AFTPH: variants seen among roughly 807,000 people sequenced by gnomAD.
AFTPH encodes the protein aftiphilin protein.
A neutral mutation model predicts 72.5 loss-of-function variants in AFTPH; 7 were observed. The ratio of observed to expected loss-of-function variants is 0.10; its 90% confidence interval spans 0.05 to 0.18. The LOEUF (loss-of-function observed/expected upper bound fraction) is 0.18, where lower values mean the gene tolerates loss of function less well. Among genes scored for constraint, AFTPH ranks in the 10% least tolerant of loss-of-function variants. The pLI, the probability that AFTPH is intolerant of heterozygous loss-of-function variation, is 1.00. For synonymous variants in AFTPH, 337 were observed against 370.1 expected, an observed-to-expected ratio of 0.91 and a Z score of 1.03; for missense variants, 979 against 1,060.5, an observed-to-expected ratio of 0.92 and a Z score of 1.07.
rs374725719 is a variant in AFTPH, at chr2:64,532,160, G to A, written c.-33+7548G>A. Reference sequence around the variant, plus strand: ...ATCTTTCACCTAAAAATTGAAGGATGTGTGGGAATGTCTTAGGCACTGGGA... The same window carrying A: ...ATCTTTCACCTAAAAATTGAAGGATATGTGGGAATGTCTTAGGCACTGGGA... On this transcript the variant is annotated intron_variant, in intron 1 of 8. Transcript: ENST00000238856. 1.2e-4 allele frequency among the ~76,000 whole-genome samples: 19 copies of A among 152,270 alleles called. No individual in the cohort carries two copies. In the East Asian group the frequency reaches 2.5e-3, roughly 20 times the overall value.
intron 1 of AFTPH, among the ~76,000 whole-genome samples, chr2:64,546,427 C>T (rs1670624444): frequency 1.3e-5 from 2 of 152,006 alleles, no homozygotes; most frequent in African/African-American, 4.8e-5. Flanking sequence ...CTAATATATG[C>T]CAAAGTCTAA....
intron 1 of AFTPH, among the ~76,000 whole-genome samples, chr2:64,527,511 C>T (rs1262383123): frequency 6.7e-6 from 1 of 150,228 alleles, no homozygotes; most frequent in African/African-American, 2.5e-5. Context: ...ACCCGGGAGG[C>T]GGAGGTTGCA....
chr2:64,564,412 T>C (rs1671924555), intron 2 of AFTPH, among the ~76,000 whole-genome samples: 1 of 152,092 alleles, frequency 6.6e-6, no homozygotes, highest in Non-Finnish European at 1.5e-5. Context: ...TGAATTATCA[T>C]CCACCTCGTG....
At chr2:64,552,812 A>T in exon 2 of AFTPH, 1 of 1,614,144 alleles carries the variant, frequency 6.2e-7, no homozygotes. Flanking sequence ...GCTCAACTCC[A>T]CCTTTTGTTA....
chr2:64,573,383 A>G (rs1216811228), intron 6 of AFTPH, among the ~76,000 whole-genome samples: 1 of 151,874 alleles, frequency 6.6e-6, no homozygotes. Context: ...TTACAGTTTG[A>G]ATATTGTGTG....
chr2:64,566,784 A>G (rs1000225395), intron 2 of AFTPH, among the ~76,000 whole-genome samples: 5 of 152,092 alleles, frequency 3.3e-5, no homozygotes, highest in Non-Finnish European at 7.4e-5. Context: ...TAAAAAAAAA[A>G]AGCCAAGAAA....
chr2:64,553,040 T>C, exon 2 of AFTPH: 2 of 1,614,194 alleles, frequency 1.2e-6, no homozygotes, highest in South Asian at 1.1e-5. Flanking sequence ...GAACAGGCAC[T>C]GAACCTGTTG....
chr2:64,585,507 A>T (rs781208490), exon 8 of AFTPH: 1 of 1,613,524 alleles, frequency 6.2e-7, no homozygotes, highest in South Asian at 1.1e-5. Context: ...CATTTGCAAG[A>T]CTCATGTCTA....
rs571767362 is a variant in AFTPH, at chr2:64,584,069, T to C, written c.2456-1353T>C. Among the ~76,000 whole-genome samples the C allele has an allele frequency of 1.5e-4, 23 of 152,210 alleles. No homozygotes were observed. The South Asian group carries it at 4.6e-3, about 30-fold the overall frequency. ...TTTTAAAGAAATAATAAGTAAAAAT[T>C]TCAGAAGCTCTAAGACATTCTTCCT... On this transcript the variant is annotated intron_variant, in intron 7 of 8. Transcript: ENST00000238856.
intron 7 of AFTPH, 62 bp downstream of exon 7, chr2:64,579,608 A>AC: frequency 7.1e-7 from 1 of 1,411,176 alleles, no homozygotes; most frequent in African/African-American, 1.4e-5. Flanking sequence ...CAAAGTTCAG[A>AC]CAAACTTCTC....
intron 5 of AFTPH, 136 bp from the exon 6 acceptor site, chr2:64,572,810 A>C: frequency 8.0e-7 from 1 of 1,249,446 alleles, no homozygotes; most frequent in Non-Finnish European, 1.1e-6. Context: ...TCTTAAAAAA[A>C]AAAAAAGACT....
intron 6 of AFTPH, among the ~76,000 whole-genome samples, chr2:64,577,763 A>AAATAATTATAGATTCAT (rs949536708): frequency 2.0e-5 from 3 of 152,302 alleles, no homozygotes; most frequent in African/African-American, 4.8e-5. Context: ...CTTTTATCTG[A>AAATAATTATAGATTCAT]AATAATTATA....
chr2:64,575,732 TG>T (rs1672731114), intron 6 of AFTPH, among the ~76,000 whole-genome samples: 1 of 148,308 alleles, frequency 6.7e-6, no homozygotes, highest in Non-Finnish European at 1.5e-5. Context: ...TGTGTGTGTG[TG>T]TGTGTGTGTA....
intron 8 of AFTPH, among the ~76,000 whole-genome samples, chr2:64,586,563 AT>A (rs1673527121): frequency 6.6e-6 from 1 of 152,062 alleles, no homozygotes; most frequent in Non-Finnish European, 1.5e-5. Flanking sequence ...ATTCCCCCAG[AT>A]TTTTCTTATT....
intron 2 of AFTPH, among the ~76,000 whole-genome samples, chr2:64,555,165 A>G (rs1451802243): frequency 1.3e-5 from 2 of 152,234 alleles, no homozygotes; most frequent in African/African-American, 2.4e-5. Context: ...ATAAAAGGAA[A>G]TTTTAAAATG....
chr2:64,551,746 A>T, exon 2 of AFTPH: 1 of 1,613,814 alleles, frequency 6.2e-7, no homozygotes, highest in Non-Finnish European at 8.5e-7. Context: ...AATGATAAGG[A>T]CATCACTGCT....
At chr2:64,569,768 A>G (rs1672308238) in intron 5 of AFTPH, 89 bp downstream of exon 5, 11 of 1,213,074 alleles carry the variant, frequency 9.1e-6, no homozygotes, top group Middle Eastern at 1.9e-4. Flanking sequence ...GTCATGCTAT[A>G]TAAGAGACAT....
chr2:64,562,049 C>T (rs1436261937), intron 2 of AFTPH, among the ~76,000 whole-genome samples: 3 of 152,110 alleles, frequency 2.0e-5, no homozygotes, highest in Admixed American at 6.5e-5. Context: ...TACTATACCA[C>T]CAGTAAGGCT....
At position 64,571,318 on chromosome 2, in the gene AFTPH, G is replaced by A. The variant is rs183503299; in HGVS notation, c.2272-1628G>A. The stretch of plus-strand genomic sequence containing the variant: ...CTGAGGTAGGCTCAAGAATTTGCAC[G>A]TCTGACAAGTTCCAAGGTGACACAG... On this transcript the variant is annotated intron_variant, in intron 5 of 8. Transcript: ENST00000238856. Among the ~76,000 whole-genome samples the A allele has an allele frequency of 3.2e-4, 49 of 151,354 alleles. No homozygotes were observed. The East Asian group carries it at 9.4e-3, about 29-fold the overall frequency.
Sources: allele counts gnomAD v4.1 joint callset (sites outside exome capture counted in the v4.1 genomes callset), GRCh38; gene constraint gnomAD v4.1.1; transcripts MANE v1.5; gene names NCBI Gene and HGNC (gene_info 2026-07-23, HGNC 2026-07-21).